Variants in TASP1 observed in about 807,000 individuals in gnomAD.
TASP1 encodes the protein taspase 1.
Under a neutral mutation model 56.6 loss-of-function variants are expected in TASP1, and 16 were observed. The observed-to-expected ratio is 0.28, with a 90% CI of 0.19 to 0.43. The LOEUF (loss-of-function observed/expected upper bound fraction) is 0.43, where lower values mean the gene tolerates loss of function less well. TASP1 is among the 20% of genes least tolerant of loss of function. The probability of loss-of-function intolerance (pLI) is 1.00; values close to 1 mark genes in which losing one functional copy is unlikely to be tolerated. For synonymous variants in TASP1, 179 were observed against 184.2 expected (o/e 0.97, Z 0.23); for missense variants, 393 against 511.6 (o/e 0.77, Z 2.24).
At chr20:13,375,233 A>G in the TASP1 span, among the ~76,000 whole-genome samples, 12,990 of 142,588 alleles carry the variant, frequency 0.091, 667 homozygotes, top group African/African-American at 0.12. Flanking sequence ...TCCCTCCCCG[A>G]GCCCCCCACC....
chr20:13,516,297 T>C (rs1416107406), intron 10 of TASP1, among the ~76,000 whole-genome samples: 1 of 152,116 alleles, frequency 6.6e-6, no homozygotes, highest in African/African-American at 2.4e-5. Flanking sequence ...AAAGAAATTG[T>C]TTTTCTCCTC....
chr20:13,595,847 G>T (rs2047708841), intron 4 of TASP1, among the ~76,000 whole-genome samples: 1 of 152,038 alleles, frequency 6.6e-6, no homozygotes, highest in South Asian at 2.1e-4. Context: ...GATATCCAGG[G>T]CTTGAACTCA....
At chr20:13,252,580 G>A in the TASP1 span, among the ~76,000 whole-genome samples, 2 of 152,020 alleles carry the variant, frequency 1.3e-5, no homozygotes, top group African/African-American at 2.4e-5. Flanking sequence ...GTGAAACCCC[G>A]TCTCTACTAA....
the TASP1 span, among the ~76,000 whole-genome samples, chr20:13,378,799 G>A: frequency 1.3e-5 from 2 of 152,100 alleles, no homozygotes; most frequent in African/African-American, 4.8e-5. Flanking sequence ...AGCTCTTCTT[G>A]TTGCATTGAT....
chr20:13,441,878 C>G (rs2043224131), intron 11 of TASP1, among the ~76,000 whole-genome samples: 3 of 152,142 alleles, frequency 2.0e-5, no homozygotes, highest in African/African-American at 7.2e-5. Flanking sequence ...GCATGGGAAA[C>G]AGAGACTTCA....
At chr20:13,499,463 T>TAA (rs61471647) in intron 10 of TASP1, among the ~76,000 whole-genome samples, 3,826 of 142,618 alleles carry the variant, frequency 0.027, 66 homozygotes, top group Non-Finnish European at 0.034. Context: ...GAAATCTCTT[T>TAA]AAAAAAAAAA....
chr20:13,633,055 G>A (rs943299150), intron 1 of TASP1, among the ~76,000 whole-genome samples: 24 of 152,214 alleles, frequency 1.6e-4, no homozygotes, highest in South Asian at 6.2e-4. Context: ...AAATTGGTAC[G>A]ACTCAACAAC....
intron 4 of TASP1, among the ~76,000 whole-genome samples, chr20:13,587,667 T>C (rs1473823901): frequency 2.0e-5 from 3 of 151,428 alleles, no homozygotes; most frequent in East Asian, 1.9e-4. Context: ...TGGTTTAATA[T>C]CTGAAAATCA....
At chr20:13,585,506 T>A (rs530722396) in intron 5 of TASP1, among the ~76,000 whole-genome samples, 1 of 152,080 alleles carries the variant, frequency 6.6e-6, no homozygotes, top group African/African-American at 2.4e-5. Context: ...ATAAAAGATA[T>A]AATCAAATAA....
intron 10 of TASP1, among the ~76,000 whole-genome samples, chr20:13,485,736 A>C (rs939405235): frequency 6.6e-6 from 1 of 152,218 alleles, no homozygotes; most frequent in African/African-American, 2.4e-5. Flanking sequence ...TACTAAGAAC[A>C]ACCATTGTGC....
At chr20:13,627,754 A>T (rs935212839) in intron 2 of TASP1, among the ~76,000 whole-genome samples, 3 of 151,540 alleles carry the variant, frequency 2.0e-5, no homozygotes, top group African/African-American at 7.3e-5. Flanking sequence ...AAAAAAGTTG[A>T]GCCATTAAAT....
chr20:13,428,131 T>C (rs1234027782), intron 12 of TASP1, among the ~76,000 whole-genome samples: 1 of 152,182 alleles, frequency 6.6e-6, no homozygotes, highest in Non-Finnish European at 1.5e-5. Context: ...GATTTTTCTA[T>C]ATGGAATCTG....
chr20:13,635,054 C>G (rs1203651643), intron 1 of TASP1, among the ~76,000 whole-genome samples: 2 of 151,920 alleles, frequency 1.3e-5, no homozygotes, highest in African/African-American at 4.8e-5. Flanking sequence ...AAAAAAAGTT[C>G]TAAAATTGAA....
intron 11 of TASP1, among the ~76,000 whole-genome samples, chr20:13,453,111 G>T (rs1273318702): frequency 6.6e-6 from 1 of 152,026 alleles, no homozygotes. Context: ...AAGTCCAAGG[G>T]ACAATAATGT....
intron 11 of TASP1, among the ~76,000 whole-genome samples, chr20:13,443,868 G>C (rs1305444892): frequency 6.6e-6 from 1 of 152,100 alleles, no homozygotes; most frequent in African/African-American, 2.4e-5. Context: ...AAACCAAAGG[G>C]GTTAACCCTG....
the TASP1 span, among the ~76,000 whole-genome samples, chr20:13,282,769 G>T: frequency 3.3e-5 from 5 of 152,204 alleles, no homozygotes; most frequent in African/African-American, 1.2e-4. Context: ...ATGTGCACAT[G>T]AATAGCCCCG....
chr20:13,608,642 T>C (rs2048243470), intron 4 of TASP1, among the ~76,000 whole-genome samples: 1 of 152,272 alleles, frequency 6.6e-6, no homozygotes, highest in Admixed American at 6.5e-5. Flanking sequence ...TCTGGTGTCA[T>C]GAAATATTAT....
At chr20:13,220,481 C>A in the TASP1 span, among the ~76,000 whole-genome samples, 1 of 152,342 alleles carries the variant, frequency 6.6e-6, no homozygotes, top group African/African-American at 2.4e-5. Flanking sequence ...CAAATCCCCT[C>A]TGGGCGCGGC....
At chr20:13,258,721 G>T in the TASP1 span, among the ~76,000 whole-genome samples, 1 of 152,000 alleles carries the variant, frequency 6.6e-6, no homozygotes, top group Admixed American at 6.6e-5. Context: ...GTTTCTCTAG[G>T]ATCAGAATAG....
Sources: allele counts gnomAD v4.1 joint callset (sites outside exome capture counted in the v4.1 genomes callset), GRCh38; gene constraint gnomAD v4.1.1; transcripts MANE v1.5; gene names NCBI Gene and HGNC (gene_info 2026-07-23, HGNC 2026-07-21).